TMEM44: variants seen among roughly 807,000 people sequenced by gnomAD.
The protein encoded by TMEM44 is transmembrane protein 44.
In TMEM44, 43 loss-of-function variants were observed where a neutral mutation model predicts 47.8. The observed-to-expected ratio is 0.90, with a 90% CI of 0.70 to 1.16. TMEM44 has a LOEUF of 1.16. Among genes scored for constraint, TMEM44 ranks in the 50% most tolerant of loss-of-function variants. The pLI is 0.00. For synonymous variants in TMEM44, 277 were observed against 238.8 expected (o/e 1.16, Z -1.48); for missense variants, 568 against 555.2 (o/e 1.02, Z -0.23).
intron 9 of TMEM44, 31 bp from the exon 10 acceptor site, chr3:194,588,670 G>A: frequency 6.3e-7 from 1 of 1,595,650 alleles, no homozygotes; most frequent in Non-Finnish European, 8.6e-7. Context: ...GGGTAGCTGG[G>A]TGGAACGGAT....
chr3:194,594,351 T>C (rs1713153464), intron 9 of TMEM44, among the ~76,000 whole-genome samples: 1 of 151,164 alleles, frequency 6.6e-6, no homozygotes. Context: ...TTAGTAGAGA[T>C]GGGGTTTCAC....
At position 194,628,621 on chromosome 3, in the gene TMEM44, G is replaced by A. The variant is rs898191458; in HGVS notation, c.138-112C>T. On this transcript the variant is annotated intron_variant, in intron 1 of 9. Transcript: ENST00000347147. ...CATCGTCAGGGAGCTCTTTCTGCCCGAGGTATTTAGGACGTGTTTTTGAAC... is the reference window on the plus strand; with the variant it reads ...CATCGTCAGGGAGCTCTTTCTGCCCAAGGTATTTAGGACGTGTTTTTGAAC... 36 of 1,313,738 alleles carry A rather than the reference G, an allele frequency of 2.7e-5. No individual in the cohort carries two copies. The African/African-American group carries it at 4.4e-4, about 16-fold the overall frequency. 81.4% of individuals were successfully genotyped at this position (1,313,738 alleles called of 1,614,324 possible). A position where few individuals can be genotyped will look rare whatever the true frequency, so the allele number is the denominator to read the frequency against.
In TMEM44 at chr3:194,633,199, C is replaced by G. The variant is rs1017131317; in HGVS notation, c.17G>C (p.Ser6Thr). 25 of 1,496,370 alleles carry G rather than the reference C, an allele frequency of 1.7e-5. No homozygotes were observed. The highest frequency in any genetic ancestry group is 2.0e-5 in the Non-Finnish European group (22 of 1,122,420). The allele number at this position is 1,496,370 out of a possible 1,614,324, so 92.7% of individuals were successfully genotyped here. A position where few individuals can be genotyped will look rare whatever the true frequency, so the allele number is the denominator to read the frequency against. MGEAP[S>T]PAPALWDWDY... Reference sequence around the variant, plus strand: ...CCAGTCCCAGAGCGCGGGCGCGGGGCTGGGCGCCTCCCCCATGGCGCGGCT... The same window carrying G: ...CCAGTCCCAGAGCGCGGGCGCGGGGGTGGGCGCCTCCCCCATGGCGCGGCT... The change falls in exon 1 of 10, where the codon AGC becomes ACC. Residue 6 changes from serine to threonine, a missense_variant. Coordinates refer to ENST00000347147, the MANE Select transcript of TMEM44 (RefSeq NM_001011655.3).
chr3:194,604,013 C>G (rs1178109138), intron 9 of TMEM44, among the ~76,000 whole-genome samples: 1 of 151,948 alleles, frequency 6.6e-6, no homozygotes, highest in East Asian at 1.9e-4. Flanking sequence ...GCCACTACAC[C>G]CGGCTAATTT....
chr3:194,623,826 C>T (rs928738413), intron 3 of TMEM44, 131 bp from the exon 4 acceptor site: 10 of 1,186,696 alleles, frequency 8.4e-6, no homozygotes, highest in Non-Finnish European at 1.2e-5. Flanking sequence ...TTCTGCAGGC[C>T]AGCTCCTCCC....
rs6765459 is a variant in TMEM44 at position 194,588,251 on chromosome 3, G to C, written c.*278C>G. Reference sequence around the variant, plus strand: ...TGAAGGGAAAAGGAAGAGCGGGTCTGAGATCCTTTGGATTATCTTTACGAA... The same window carrying C: ...TGAAGGGAAAAGGAAGAGCGGGTCTCAGATCCTTTGGATTATCTTTACGAA... On this transcript the variant is annotated 3_prime_UTR_variant, in exon 10 of 10. Transcript: ENST00000347147. 88,495 of 403,500 alleles carry C rather than the reference G, an allele frequency of 0.22. 10,683 individuals are homozygous for C. The highest frequency in any genetic ancestry group is 0.34 in the African/African-American group (16,567 of 48,570). 25.0% of individuals were successfully genotyped at this position (403,500 alleles called of 1,614,324 possible). A position where few individuals can be genotyped will look rare whatever the true frequency, so the allele number is the denominator to read the frequency against.
rs1183283646 is a variant in TMEM44, at chr3:194,611,209, A to G, written c.913-189T>C. 6.6e-6 allele frequency among the ~76,000 whole-genome samples: 1 copy of G among 152,134 alleles called. No individual in the cohort carries two copies. The highest frequency in any genetic ancestry group is 2.4e-5 in the African/African-American group (1 of 41,422). On this transcript the variant is annotated intron_variant, in intron 7 of 9. Coordinates refer to ENST00000347147, the MANE Select transcript of TMEM44 (RefSeq NM_001011655.3). The surrounding 1 kb of genome is among the most constrained non-coding windows in gnomAD (Gnocchi z 4.2). ...TTTCTCTTCGAGGCCACAGTCATTT[A>G]GTGTTTCCCAAATTTTGCAACACAG...
chr3:194,618,041 G>A (rs754423412), intron 5 of TMEM44, among the ~76,000 whole-genome samples: 8 of 152,146 alleles, frequency 5.3e-5, no homozygotes, highest in Non-Finnish European at 1.0e-4. Context: ...CTGCCAAACC[G>A]TGAGCCAATT....
At position 194,604,374 on chromosome 3, in the gene TMEM44, G is replaced by A. The variant is rs745169; in HGVS notation, c.1089C>T (p.Pro363=). 17,457 of 1,560,092 alleles carry A rather than the reference G, an allele frequency of 0.011. 1,484 individuals are homozygous for A. In the African/African-American group the frequency reaches 0.2, roughly 18 times the overall value. The change falls in exon 9 of 10, where the codon CCC becomes CCT. Residue 363 remains proline (P), a synonymous_variant. Coordinates refer to ENST00000347147, the MANE Select transcript of TMEM44 (RefSeq NM_001011655.3). The part of the protein sequence containing the change: ...TSAGDASLQD[P]PSYPPVQVIR... The stretch of plus-strand genomic sequence containing the variant: ...TGACCTGAACGGGAGGGTACGACGG[G>A]GGGTCCTGCAGGGACGCATCTCCGG...
In TMEM44 at chr3:194,603,404, C is replaced by CT. The variant is rs529989131; in HGVS notation, c.1176+882dup. 1.0e-3 allele frequency among the ~76,000 whole-genome samples: 149 copies of CT among 146,288 alleles called. 1 individual carries two copies. The South Asian group carries it at 0.021, about 21-fold the overall frequency. The stretch of plus-strand genomic sequence containing the variant: ...CAAATCAGTTTGAGAAGCACTGAGA[C>CT]TTTTTTTTTTTTAGATGGAGTCTCG... On this transcript the variant is annotated intron_variant, in intron 9 of 9. Transcript: ENST00000347147.
At chr3:194,590,121 C>T (rs145682998) in intron 9 of TMEM44, 31 of 152,340 alleles carry the variant, frequency 2.0e-4, no homozygotes, top group African/African-American at 7.5e-4. Context: ...ACATTCCAAT[C>T]CTTAGAGGTT....
At chr3:194,629,543 G>A (rs916165366) in intron 1 of TMEM44, among the ~76,000 whole-genome samples, 13 of 152,096 alleles carry the variant, frequency 8.5e-5, no homozygotes, top group East Asian at 3.9e-4. Flanking sequence ...ATCTATCGGC[G>A]TCACTGATAG....
rs867053215 is a variant in TMEM44 at position 194,628,576 on chromosome 3, A to G, written c.138-67T>C. 4 of 1,516,772 alleles carry G rather than the reference A, an allele frequency of 2.6e-6. No homozygotes were observed. In the African/African-American group the frequency reaches 4.2e-5, roughly 16 times the overall value. 94.0% of individuals were successfully genotyped at this position (1,516,772 alleles called of 1,614,324 possible). A position where few individuals can be genotyped will look rare whatever the true frequency, so the allele number is the denominator to read the frequency against. On this transcript the variant is annotated intron_variant, in intron 1 of 9. Coordinates refer to ENST00000347147, the MANE Select transcript of TMEM44 (RefSeq NM_001011655.3). Reference sequence around the variant, plus strand: ...TTTGGACCCAAACGCATGTATCTAAAAAGGGCAACTGTGACCCCGCATCGT... The same window carrying G: ...TTTGGACCCAAACGCATGTATCTAAGAAGGGCAACTGTGACCCCGCATCGT...
At chr3:194,589,322 G>T (rs1350519460) in intron 9 of TMEM44, among the ~76,000 whole-genome samples, 1 of 152,112 alleles carries the variant, frequency 6.6e-6, no homozygotes, top group Non-Finnish European at 1.5e-5. Context: ...TTATGGGCCA[G>T]GTAAATACCT....
intron 5 of TMEM44, among the ~76,000 whole-genome samples, chr3:194,619,262 G>GA (rs957431546): frequency 3.9e-5 from 6 of 152,120 alleles, no homozygotes; most frequent in African/African-American, 1.4e-4. Flanking sequence ...GGCCGACCCT[G>GA]AAAAAAATAG....
At chr3:194,615,399 A>T (rs1715768436) in intron 7 of TMEM44, among the ~76,000 whole-genome samples, 170 bp downstream of exon 7, 1 of 152,172 alleles carries the variant, frequency 6.6e-6, no homozygotes, top group Admixed American at 6.5e-5. Context: ...GTCATGTGTT[A>T]GGTTTGGCCA....
chr3:194,624,211 T>C (rs1716896721), intron 3 of TMEM44, among the ~76,000 whole-genome samples: 1 of 152,190 alleles, frequency 6.6e-6, no homozygotes, highest in South Asian at 2.1e-4. Context: ...TTTTTTCTTT[T>C]TGAGATGAGG....
intron 1 of TMEM44, among the ~76,000 whole-genome samples, chr3:194,632,438 C>T (rs1293405580): frequency 6.6e-6 from 1 of 152,150 alleles, no homozygotes; most frequent in African/African-American, 2.4e-5. Flanking sequence ...TAGGACAGAG[C>T]GGCTGAGGAC....
At chr3:194,591,736 GC>G (rs111506283) in intron 9 of TMEM44, among the ~76,000 whole-genome samples, 4,046 of 151,786 alleles carry the variant, frequency 0.027, 76 homozygotes, top group African/African-American at 0.045. Flanking sequence ...ATCCTGAGTA[GC>G]TGGGACCACA....
Sources: gnomAD v4.1 joint callset for allele counts (sites outside exome capture counted in the v4.1 genomes callset) on GRCh38, gnomAD v4.1.1 for gene constraint, Gnocchi (gnomAD v3.1) non-coding constraint, MANE v1.5 for transcripts, NCBI Gene and HGNC (gene_info 2026-07-23, HGNC 2026-07-21) for gene names.